Variants in ZNF704 observed in about 807,000 individuals in gnomAD.
ZNF704 encodes glucocorticoid induced gene 1.
ZNF704 carries 10 observed loss-of-function variants against 44.7 expected under a neutral mutation model. The observed-to-expected ratio is 0.22, with a 90% CI of 0.14 to 0.38. The LOEUF (loss-of-function observed/expected upper bound fraction) is 0.38, where lower values mean the gene tolerates loss of function less well. Among genes scored for constraint, ZNF704 ranks in the 10% least tolerant of loss-of-function variants. The pLI is 1.00. For synonymous variants in ZNF704, 211 were observed against 207.6 expected (o/e 1.02, Z -0.14); for missense variants, 390 against 545.5 (o/e 0.71, Z 2.84).
chr8:80,823,033 A>AG (rs1491389389), intron 1 of ZNF704, among the ~76,000 whole-genome samples: 1 of 152,180 alleles, frequency 6.6e-6, no homozygotes, highest in African/African-American at 2.4e-5. Flanking sequence ...TGCAGAAGAC[A>AG]GGGGATTTCT....
intron 2 of ZNF704, among the ~76,000 whole-genome samples, chr8:80,729,363 T>C (rs764412712): frequency 3.3e-5 from 5 of 152,114 alleles, no homozygotes; most frequent in Non-Finnish European, 5.9e-5. Flanking sequence ...CCTGTTTTCT[T>C]AGCTATAAAT....
chr8:80,731,651 G>A (rs1378246906), intron 2 of ZNF704, among the ~76,000 whole-genome samples: 2 of 152,136 alleles, frequency 1.3e-5, no homozygotes, highest in African/African-American at 2.4e-5. Flanking sequence ...TATAGTCCCA[G>A]CTACTTGGAA....
chr8:80,794,830 T>G (rs1048591653), intron 2 of ZNF704, among the ~76,000 whole-genome samples: 1 of 152,182 alleles, frequency 6.6e-6, no homozygotes, highest in African/African-American at 2.4e-5. Context: ...ACTTGAGGCT[T>G]AGGTTTGGAG....
intron 1 of ZNF704, among the ~76,000 whole-genome samples, chr8:80,845,135 A>C (rs1176329969): frequency 6.6e-6 from 1 of 152,204 alleles, no homozygotes; most frequent in Non-Finnish European, 1.5e-5. Flanking sequence ...AGGAACATCA[A>C]AAAGTAATAT....
At chr8:80,827,419 A>G (rs1329416306) in intron 1 of ZNF704, among the ~76,000 whole-genome samples, 1 of 152,222 alleles carries the variant, frequency 6.6e-6, no homozygotes, top group East Asian at 1.9e-4. Context: ...ACAAAATAGA[A>G]GAGGACACAA....
At chr8:80,831,851 C>CTGAT (rs1392482139) in intron 1 of ZNF704, among the ~76,000 whole-genome samples, 1 of 152,164 alleles carries the variant, frequency 6.6e-6, no homozygotes, top group Non-Finnish European at 1.5e-5. Flanking sequence ...AGAGCTGATG[C>CTGAT]TGATGTTCAG....
chr8:80,754,375 T>C (rs1807000661), intron 2 of ZNF704, among the ~76,000 whole-genome samples: 1 of 152,152 alleles, frequency 6.6e-6, no homozygotes, highest in Non-Finnish European at 1.5e-5. Context: ...AACAAAAATA[T>C]CTGCAGCTTT....
rs2131579179 is a variant in ZNF704, at chr8:80,631,866, C to T, written c.*9500G>A. ...TCCCAGTTATAGTAATATTTATCCC[C>T]TTGCACCTTAATTTAAGAGAGAGAA... On this transcript the variant is annotated 3_prime_UTR_variant, in exon 9 of 9. Transcript: ENST00000327835. 6.6e-6 allele frequency: 1 copy of T among 152,334 alleles called. No homozygotes were observed. The highest frequency in any genetic ancestry group is 1.5e-5 in the Non-Finnish European group (1 of 68,038). The allele number at this position is 152,334 out of a possible 1,614,324, so 9.4% of individuals were successfully genotyped here. A position where few individuals can be genotyped will look rare whatever the true frequency, so the allele number is the denominator to read the frequency against.
Position 80,649,642 on chromosome 8 carries a change from G to A in ZNF704, c.1033-6513C>T, listed in dbSNP as rs186560683. Among the ~76,000 whole-genome samples the A allele has an allele frequency of 4.0e-4, 61 of 152,336 alleles. 1 individual carries two copies. The highest frequency in any genetic ancestry group is 4.1e-4 in the Non-Finnish European group (28 of 68,032). On this transcript the variant is annotated intron_variant, in intron 7 of 8. Coordinates refer to ENST00000327835, the MANE Select transcript of ZNF704 (RefSeq NM_001033723.3). ...GGGGCACCCGCCATTGCCGAGGCTT[G>A]AGTAGGTAAACAAAGCAGCCAGGAA...
chr8:80,770,727 T>A (rs912487714), intron 2 of ZNF704, among the ~76,000 whole-genome samples: 3 of 152,170 alleles, frequency 2.0e-5, no homozygotes, highest in African/African-American at 7.2e-5. Context: ...AGTTTTTCGT[T>A]TTAGGGACTG....
intron 2 of ZNF704, among the ~76,000 whole-genome samples, chr8:80,820,213 A>G (rs953958322): frequency 2.0e-5 from 3 of 152,318 alleles, no homozygotes; most frequent in Admixed American, 1.3e-4. Flanking sequence ...TAAAGCATGA[A>G]CAGAGTAATC....
At chr8:80,643,177 A>G in intron 7 of ZNF704, 48 bp from the exon 8 acceptor site, 1 of 1,442,208 alleles carries the variant, frequency 6.9e-7, no homozygotes, top group South Asian at 1.3e-5. Context: ...TTCTCCACCC[A>G]TGCAGTTAGT....
In ZNF704 at chr8:80,639,166, G is replaced by T. The variant is rs1364353930; in HGVS notation, c.*2200C>A. 6.6e-6 allele frequency: 1 copy of T among 152,214 alleles called. No homozygotes were observed. Among genetic ancestry groups the T allele is most frequent in the African/African-American group, 2.4e-5 (1 of 41,448 alleles). 9.4% of individuals were successfully genotyped at this position (152,214 alleles called of 1,614,324 possible). A position where few individuals can be genotyped will look rare whatever the true frequency, so the allele number is the denominator to read the frequency against. ...TATTAGTAACAGTCCAACGATCAAGGGCCAGGGAGCTTTGCTGAAGAGAAA... is the reference window on the plus strand; with the variant it reads ...TATTAGTAACAGTCCAACGATCAAGTGCCAGGGAGCTTTGCTGAAGAGAAA... On this transcript the variant is annotated 3_prime_UTR_variant, in exon 9 of 9. Transcript: ENST00000327835.
At chr8:80,678,556 C>G (rs928797629) in intron 4 of ZNF704, among the ~76,000 whole-genome samples, 1 of 152,104 alleles carries the variant, frequency 6.6e-6, no homozygotes, top group Non-Finnish European at 1.5e-5. Flanking sequence ...TTTCCAAAGA[C>G]AGTAATTCAA....
At chr8:80,763,491 C>A (rs935283724) in intron 2 of ZNF704, among the ~76,000 whole-genome samples, 4 of 152,196 alleles carry the variant, frequency 2.6e-5, no homozygotes, top group African/African-American at 9.6e-5. Context: ...CCCTTTTTAG[C>A]CATAACTAGA....
chr8:80,722,233 C>T (rs1448613858), intron 2 of ZNF704, among the ~76,000 whole-genome samples: 1 of 151,966 alleles, frequency 6.6e-6, no homozygotes, highest in Non-Finnish European at 1.5e-5. Context: ...GAGTGAGACC[C>T]TGTCCCCACT....
intron 4 of ZNF704, among the ~76,000 whole-genome samples, chr8:80,679,168 CCTA>C (rs1563516124): frequency 6.6e-6 from 1 of 152,078 alleles, no homozygotes; most frequent in Non-Finnish European, 1.5e-5. Flanking sequence ...TGCACCACCC[CCTA>C]CTGATTTCCC....
chr8:80,641,726 A>C (rs1007513841), intron 8 of ZNF704, among the ~76,000 whole-genome samples: 6 of 152,198 alleles, frequency 3.9e-5, no homozygotes, highest in Admixed American at 2.6e-4. Context: ...AAAATTAGCC[A>C]GGCATGTACC....
At chr8:80,731,509 C>G (rs1309949573) in intron 2 of ZNF704, among the ~76,000 whole-genome samples, 1 of 152,162 alleles carries the variant, frequency 6.6e-6, no homozygotes, top group Non-Finnish European at 1.5e-5. Flanking sequence ...GATTTCAATA[C>G]TTCAAAATCA....
Sources: allele counts gnomAD v4.1 joint callset (sites outside exome capture counted in the v4.1 genomes callset), GRCh38; gene constraint gnomAD v4.1.1; transcripts MANE v1.5; gene names NCBI Gene and HGNC (gene_info 2026-07-23, HGNC 2026-07-21).